NALCN: variants seen among roughly 807,000 people sequenced by gnomAD.
NALCN encodes sodium leak channel, non-selective.
In NALCN, 111 loss-of-function variants were observed where a neutral mutation model predicts 225.3. That is an observed-to-expected ratio of 0.49 (90% CI 0.42 to 0.58). NALCN has a LOEUF of 0.58. Among genes scored for constraint, NALCN ranks in the 20% least tolerant of loss-of-function variants. The pLI is 0.00. For missense variants in NALCN, 1,378 were observed against 2,202.4 expected (o/e 0.63, Z 7.49); for synonymous variants, 764 against 769.0 (o/e 0.99, Z 0.11).
intron 18 of NALCN, among the ~76,000 whole-genome samples, chr13:101,118,010 C>G (rs118153052): frequency 0.012 from 1,842 of 152,268 alleles, 16 homozygotes; most frequent in South Asian, 0.029. Flanking sequence ...AGATACACAT[C>G]ATCACATATT....
chr13:101,078,076 A>T (rs1337561839), intron 34 of NALCN, among the ~76,000 whole-genome samples: 1 of 152,254 alleles, frequency 6.6e-6, no homozygotes, highest in East Asian at 1.9e-4. Flanking sequence ...AACAGAAGTC[A>T]AGAACTGAGG....
rs1216349286 is a variant in NALCN at position 101,055,247 on chromosome 13, T to G, written c.*48A>C. 2.0e-6 allele frequency: 3 copies of G among 1,466,368 alleles called. No individual in the cohort carries two copies. Among genetic ancestry groups the G allele is most frequent in the African/African-American group, 1.4e-5 (1 of 72,088 alleles). 90.8% of individuals were successfully genotyped at this position (1,466,368 alleles called of 1,614,324 possible). A position where few individuals can be genotyped will look rare whatever the true frequency, so the allele number is the denominator to read the frequency against. ...GCTCACTGGACAATCAAGGACATTA[T>G]TAGAAAACGGTTTCCACCACTAGAA... On this transcript the variant is annotated 3_prime_UTR_variant, in exon 44 of 44. Transcript: ENST00000251127.
chr13:101,330,271 A>G (rs1382076521), intron 7 of NALCN, among the ~76,000 whole-genome samples: 1 of 152,094 alleles, frequency 6.6e-6, no homozygotes, highest in African/African-American at 2.4e-5. Flanking sequence ...AGAGTTTGGG[A>G]GAATATAAAA....
At chr13:101,325,304 T>C (rs1344647881) in intron 7 of NALCN, among the ~76,000 whole-genome samples, 1 of 152,206 alleles carries the variant, frequency 6.6e-6, no homozygotes, top group African/African-American at 2.4e-5. Context: ...GAAGGGTTTC[T>C]CTGCTTATTA....
At chr13:101,177,409 GTA>G (rs10624930) in intron 14 of NALCN, among the ~76,000 whole-genome samples, 9,694 of 124,154 alleles carry the variant, frequency 0.078, 734 homozygotes, top group African/African-American at 0.15. Context: ...GTAAATACGA[GTA>G]TATATATATA....
At chr13:101,264,504 C>T (rs2042534576) in intron 10 of NALCN, among the ~76,000 whole-genome samples, 1 of 152,006 alleles carries the variant, frequency 6.6e-6, no homozygotes, top group Non-Finnish European at 1.5e-5. Flanking sequence ...GGTCCCTGGA[C>T]CAGCAGCAAC....
chr13:101,221,700 T>C (rs1393895123), intron 13 of NALCN, among the ~76,000 whole-genome samples: 2 of 152,168 alleles, frequency 1.3e-5, no homozygotes, highest in Non-Finnish European at 2.9e-5. Flanking sequence ...TTTGGCTGAA[T>C]GTGGGTACCT....
intron 17 of NALCN, among the ~76,000 whole-genome samples, chr13:101,131,125 CTTTAA>C (rs1329632601): frequency 1.3e-5 from 2 of 151,964 alleles, no homozygotes; most frequent in Non-Finnish European, 2.9e-5. Context: ...GTTTTCATTG[CTTTAA>C]TTTATAACTT....
At chr13:101,321,027 C>A (rs575242902) in intron 7 of NALCN, among the ~76,000 whole-genome samples, 181 of 152,136 alleles carry the variant, frequency 1.2e-3, no homozygotes, top group African/African-American at 4.2e-3. Context: ...GATGTTATGA[C>A]AAAGTCATTC....
Position 101,059,980 on chromosome 13 carries a change from G to C in NALCN, c.4756-13C>G. On this transcript the variant is annotated splice_polypyrimidine_tract_variant and intron_variant, in intron 41 of 43. Coordinates refer to ENST00000251127, the MANE Select transcript of NALCN (RefSeq NM_052867.4). ...ACTGCTGCTGTTTCTATGGAAATGCGATTGTTTGTTCAGTAAAATAAGCCC... is the reference window on the plus strand; with the variant it reads ...ACTGCTGCTGTTTCTATGGAAATGCCATTGTTTGTTCAGTAAAATAAGCCC... 2 of 1,613,434 alleles carry C rather than the reference G, an allele frequency of 1.2e-6. No homozygotes were observed. The highest frequency in any genetic ancestry group is 1.7e-6 in the Non-Finnish European group (2 of 1,179,746).
intron 17 of NALCN, among the ~76,000 whole-genome samples, chr13:101,137,670 G>A (rs2139762945): frequency 6.6e-6 from 1 of 152,176 alleles, no homozygotes; most frequent in South Asian, 2.1e-4. Flanking sequence ...GGTACCATAA[G>A]GAAATTGATC....
chr13:101,403,453 G>A (rs2047533138), intron 1 of NALCN, among the ~76,000 whole-genome samples: 5 of 152,118 alleles, frequency 3.3e-5, no homozygotes, highest in Admixed American at 1.3e-4. Context: ...GTTATCCAAT[G>A]CCAATCCCAC....
chr13:101,239,815 T>G (rs2041692707), intron 11 of NALCN, among the ~76,000 whole-genome samples: 1 of 152,134 alleles, frequency 6.6e-6, no homozygotes, highest in African/African-American at 2.4e-5. Context: ...AATATTAAAG[T>G]GATTACTTTC....
chr13:101,310,098 A>C (rs1219679524), intron 7 of NALCN, among the ~76,000 whole-genome samples: 1 of 152,118 alleles, frequency 6.6e-6, no homozygotes, highest in Non-Finnish European at 1.5e-5. Flanking sequence ...CCTTTGTCCA[A>C]GCCACTGCCA....
At chr13:101,326,343 ATGAG>A (rs2044951049) in intron 7 of NALCN, among the ~76,000 whole-genome samples, 1 of 152,210 alleles carries the variant, frequency 6.6e-6, no homozygotes, top group South Asian at 2.1e-4. Flanking sequence ...GAATGAATGA[ATGAG>A]TGAATGAATA....
chr13:101,135,430 G>A (rs1001622553), intron 17 of NALCN, among the ~76,000 whole-genome samples: 1 of 152,118 alleles, frequency 6.6e-6, no homozygotes, highest in Non-Finnish European at 1.5e-5. Flanking sequence ...ACGGAGTCTC[G>A]CTGTATCGCC....
At chr13:101,240,510 T>C (rs971481024) in intron 11 of NALCN, among the ~76,000 whole-genome samples, 8 of 152,088 alleles carry the variant, frequency 5.3e-5, no homozygotes, top group Non-Finnish European at 1.2e-4. Flanking sequence ...ACGATTTTTA[T>C]AGAAATGTGC....
rs2043571426 is a variant in NALCN at position 101,291,974 on chromosome 13, C to T, written c.1047+16G>A. ...ATGCTCGAATGGGTTATAACATCCTCTTGCTGATAGCGTACCTGGGTGGTG... is the reference window on the plus strand; with the variant it reads ...ATGCTCGAATGGGTTATAACATCCTTTTGCTGATAGCGTACCTGGGTGGTG... On this transcript the variant is annotated intron_variant, in intron 9 of 43. Transcript: ENST00000251127. 2 of 1,613,352 alleles carry T rather than the reference C, an allele frequency of 1.2e-6. No homozygotes were observed. The highest frequency in any genetic ancestry group is 2.2e-5 in the East Asian group (1 of 44,856).
At chr13:101,325,000 G>A (rs537355106) in intron 7 of NALCN, among the ~76,000 whole-genome samples, 163 of 152,042 alleles carry the variant, frequency 1.1e-3, no homozygotes, top group African/African-American at 3.6e-3. Flanking sequence ...TGTTGCATTG[G>A]GCTTGCTATC....
Sources: allele counts gnomAD v4.1 joint callset (sites outside exome capture counted in the v4.1 genomes callset), GRCh38; gene constraint gnomAD v4.1.1; transcripts MANE v1.5; gene names NCBI Gene and HGNC (gene_info 2026-07-23, HGNC 2026-07-21).